Variants in PPP2R5E observed in about 807,000 individuals in gnomAD.
PPP2R5E encodes the protein serine/threonine-protein phosphatase 2A 56 kDa regulatory subunit epsilon isoform.
PPP2R5E carries 4 observed loss-of-function variants against 65.3 expected under a neutral mutation model. That is an observed-to-expected ratio of 0.06 (90% CI 0.03 to 0.14). PPP2R5E has a LOEUF of 0.14. Ranked by LOEUF, PPP2R5E falls within the 10% of genes least tolerant of loss-of-function variation. The pLI is 1.00. For missense variants in PPP2R5E, 274 were observed against 556.1 expected, an observed-to-expected ratio of 0.49 and a Z score of 5.10; for synonymous variants, 183 against 187.4, an observed-to-expected ratio of 0.98 and a Z score of 0.19.
chr14:63,443,000 T>C (rs906926374), intron 3 of PPP2R5E, among the ~76,000 whole-genome samples: 2 of 152,228 alleles, frequency 1.3e-5, no homozygotes, highest in African/African-American at 2.4e-5. Context: ...TAAGAGTACA[T>C]GTCGGCAGAC....
At chr14:63,454,002 G>C in intron 2 of PPP2R5E, 117 bp from the exon 3 acceptor site, 1 of 807,742 alleles carries the variant, frequency 1.2e-6, no homozygotes, top group East Asian at 2.9e-5. Context: ...CATGACAACA[G>C]TGTTCTTTTT....
At chr14:63,411,202 T>C (rs1886370130) in intron 5 of PPP2R5E, among the ~76,000 whole-genome samples, 1 of 152,174 alleles carries the variant, frequency 6.6e-6, no homozygotes, top group Non-Finnish European at 1.5e-5. Flanking sequence ...TCCTGGCTTT[T>C]ACCATAGCAT....
At chr14:63,381,444 TC>T (rs1034699987) in intron 13 of PPP2R5E, among the ~76,000 whole-genome samples, 1 of 152,176 alleles carries the variant, frequency 6.6e-6, no homozygotes, top group African/African-American at 2.4e-5. Flanking sequence ...TACCTGATGG[TC>T]CCTTTAAGTG....
chr14:63,440,591 C>T (rs2139430041), intron 3 of PPP2R5E, among the ~76,000 whole-genome samples: 1 of 152,072 alleles, frequency 6.6e-6, no homozygotes, highest in South Asian at 2.1e-4. Context: ...TTTTAGACCT[C>T]ATTCCTATTG....
At chr14:63,533,857 G>C (rs1404650720) in intron 2 of PPP2R5E, among the ~76,000 whole-genome samples, 1 of 151,880 alleles carries the variant, frequency 6.6e-6, no homozygotes, top group Non-Finnish European at 1.5e-5. Flanking sequence ...TGAGGCAGGA[G>C]AATCACTTGA....
At chr14:63,421,419 T>C in intron 4 of PPP2R5E, among the ~76,000 whole-genome samples, 1 of 152,310 alleles carries the variant, frequency 6.6e-6, no homozygotes, top group South Asian at 2.1e-4. Context: ...CCCTGATCCA[T>C]CCTGGCACAT....
intron 4 of PPP2R5E, among the ~76,000 whole-genome samples, chr14:63,418,846 T>C (rs1375560437): frequency 7.1e-6 from 1 of 141,828 alleles, no homozygotes; most frequent in Non-Finnish European, 1.5e-5. Context: ...TTTTACTTTT[T>C]TTTTTTTTTT....
chr14:63,477,577 A>G (rs1278764862), intron 2 of PPP2R5E, among the ~76,000 whole-genome samples: 1 of 151,972 alleles, frequency 6.6e-6, no homozygotes, highest in Admixed American at 6.6e-5. Context: ...AGAAGAGGGA[A>G]TAAGAAAAAA....
At chr14:63,524,370 T>C (rs1028520344) in intron 2 of PPP2R5E, among the ~76,000 whole-genome samples, 1 of 152,206 alleles carries the variant, frequency 6.6e-6, no homozygotes, top group African/African-American at 2.4e-5. Context: ...CGCATATTTA[T>C]TAAGCAGCCA....
intron 2 of PPP2R5E, among the ~76,000 whole-genome samples, chr14:63,461,204 G>A (rs906488525): frequency 3.3e-5 from 5 of 152,082 alleles, no homozygotes; most frequent in African/African-American, 9.7e-5. Context: ...GGAAAGAACC[G>A]AGGCCTTTTG....
chr14:63,426,699 C>CAAAA (rs1191603099), intron 3 of PPP2R5E, among the ~76,000 whole-genome samples: 17 of 54,814 alleles, frequency 3.1e-4, no homozygotes, highest in African/African-American at 4.4e-4. Context: ...AAAGGCTTAT[C>CAAAA]AAAAAAAAAA....
At position 63,444,473 on chromosome 14, in the gene PPP2R5E, G is replaced by A. The variant is rs113812414; in HGVS notation, c.354+9216C>T. On this transcript the variant is annotated intron_variant, in intron 3 of 13. Coordinates refer to ENST00000337537, the MANE Select transcript of PPP2R5E (RefSeq NM_006246.5). ...GAGCTCACTGGCAAAGTGAAGCCCT[G>A]TCTTTTTTATTAGCAAAATGTAAAA... 1.9e-3 allele frequency among the ~76,000 whole-genome samples: 286 copies of A among 152,118 alleles called. 2 individuals carry two copies. Among genetic ancestry groups the A allele is most frequent in the African/African-American group, 6.5e-3 (271 of 41,468 alleles).
chr14:63,498,159 C>A (rs1193780048), intron 2 of PPP2R5E, among the ~76,000 whole-genome samples: 2 of 152,138 alleles, frequency 1.3e-5, no homozygotes, highest in Non-Finnish European at 2.9e-5. Flanking sequence ...TCAACCAAGT[C>A]TTGAGGGATT....
At chr14:63,456,208 T>A (rs1458296372) in intron 2 of PPP2R5E, among the ~76,000 whole-genome samples, 1 of 152,238 alleles carries the variant, frequency 6.6e-6, no homozygotes, top group African/African-American at 2.4e-5. Context: ...ATAGCATATA[T>A]AACTTATAAA....
intron 3 of PPP2R5E, among the ~76,000 whole-genome samples, chr14:63,425,231 G>A (rs1255615): frequency 0.98 from 150,051 of 152,340 alleles, 73,969 homozygotes; most frequent in Middle Eastern, 1. Context: ...CAGTTCTATT[G>A]TTTTATTTTT....
chr14:63,501,684 C>T (rs923556681), intron 2 of PPP2R5E, among the ~76,000 whole-genome samples: 4 of 152,044 alleles, frequency 2.6e-5, no homozygotes, highest in African/African-American at 9.7e-5. Flanking sequence ...TAATGAATTG[C>T]ACACTTTAGA....
At chr14:63,414,172 C>G (rs1311861408) in intron 5 of PPP2R5E, among the ~76,000 whole-genome samples, 1 of 152,126 alleles carries the variant, frequency 6.6e-6, no homozygotes, top group Non-Finnish European at 1.5e-5. Context: ...ACCTATATAT[C>G]CTAAATTCCA....
intron 2 of PPP2R5E, among the ~76,000 whole-genome samples, chr14:63,495,248 G>C (rs1001317543): frequency 6.7e-6 from 1 of 149,670 alleles, no homozygotes; most frequent in Non-Finnish European, 1.5e-5. Flanking sequence ...TATAGTGAGA[G>C]AGAAAGAGTA....
At chr14:63,528,477 G>A (rs912165973) in intron 2 of PPP2R5E, among the ~76,000 whole-genome samples, 1 of 152,040 alleles carries the variant, frequency 6.6e-6, no homozygotes, top group Admixed American at 6.6e-5. Flanking sequence ...TAAGTTTTTC[G>A]TCTATAAAAT....
Sources: allele counts gnomAD v4.1 joint callset (sites outside exome capture counted in the v4.1 genomes callset), GRCh38; gene constraint gnomAD v4.1.1; transcripts MANE v1.5; gene names NCBI Gene and HGNC (gene_info 2026-07-23, HGNC 2026-07-21).